DMD: variants seen among roughly 807,000 people sequenced by gnomAD.
The protein encoded by DMD is dystrophin.
DMD carries 63 observed loss-of-function variants against 330.1 expected under a neutral mutation model. That is an observed-to-expected ratio of 0.19 (90% confidence interval 0.16 to 0.24). DMD has a LOEUF of 0.24. Among genes scored for constraint, DMD ranks in the 10% least tolerant of loss-of-function variants. The pLI is 1.00. For synonymous variants in DMD, 1,223 were observed against 959.8 expected (o/e 1.27, Z -5.07); for missense variants, 3,344 against 2,684.1 (o/e 1.25, Z -5.43).
At chrX:32,783,245 TGTATATAC>T (rs1255845426) in intron 7 of DMD, among the ~76,000 whole-genome samples, 7 of 100,294 alleles carry the variant, frequency 7.0e-5, no homozygotes, top group African/African-American at 1.8e-4. Context: ...TACACATATG[TGTATATAC>T]GTATATACAC....
At chrX:33,017,661 AGAT>A (rs1343062052) in intron 2 of DMD, among the ~76,000 whole-genome samples, 1 of 111,592 alleles carries the variant, frequency 9.0e-6, no homozygotes, top group Non-Finnish European at 1.9e-5. Context: ...ATTATATAGA[AGAT>A]ATACATTCCT....
intron 41 of DMD, among the ~76,000 whole-genome samples, chrX:32,336,114 T>C (rs2097713637): frequency 9.1e-6 from 1 of 110,222 alleles, no homozygotes; most frequent in Non-Finnish European, 1.9e-5. Context: ...ACATGTTATA[T>C]ATGTTATATG....
At chrX:32,250,017 C>T (rs1479885467) in intron 43 of DMD, among the ~76,000 whole-genome samples, 1 of 111,627 alleles carries the variant, frequency 9.0e-6, no homozygotes, top group Non-Finnish European at 1.9e-5. Flanking sequence ...CGCCTTGAAC[C>T]ATTAAGTACA....
intron 1 of DMD, among the ~76,000 whole-genome samples, chrX:33,022,565 G>GTAT (rs201427992): frequency 9.1e-6 from 1 of 110,025 alleles, no homozygotes; most frequent in East Asian, 2.8e-4. Context: ...ACAATTAATT[G>GTAT]TATTATTATT....
intron 60 of DMD, among the ~76,000 whole-genome samples, chrX:31,395,672 G>T (rs780973540): frequency 2.7e-5 from 3 of 112,057 alleles, no homozygotes; most frequent in Non-Finnish European, 5.6e-5. Flanking sequence ...GTGAAATAAT[G>T]GTGGCTGCTA....
At chrX:31,444,431 G>A in intron 60 of DMD, 50 bp downstream of exon 60, 1 of 1,183,506 alleles carries the variant, frequency 8.4e-7, no homozygotes, top group Non-Finnish European at 1.1e-6. Flanking sequence ...AATTTTATCT[G>A]TATATTATTT....
chrX:32,297,760 G>C (rs905489435), intron 42 of DMD, among the ~76,000 whole-genome samples: 1 of 111,859 alleles, frequency 8.9e-6, no homozygotes, highest in Non-Finnish European at 1.9e-5. Context: ...AGAAATGAAG[G>C]ATAAAGTGGG....
intron 2 of DMD, among the ~76,000 whole-genome samples, chrX:32,874,186 G>C (rs1253553017): frequency 8.9e-6 from 1 of 112,089 alleles, no homozygotes; most frequent in Non-Finnish European, 1.9e-5. Context: ...CAAAAGAACA[G>C]ATAAGCTTTT....
intron 1 of DMD, among the ~76,000 whole-genome samples, chrX:33,174,876 C>T (rs1000641013): frequency 8.9e-6 from 1 of 111,997 alleles, no homozygotes; most frequent in East Asian, 2.8e-4. Context: ...GATCATGCAT[C>T]GAATCTTGTG....
intron 1 of DMD, among the ~76,000 whole-genome samples, chrX:33,309,461 G>T (rs1004883856): frequency 5.4e-5 from 6 of 110,525 alleles, no homozygotes; most frequent in Non-Finnish European, 7.6e-5. Flanking sequence ...AAATCTGTCT[G>T]TATTTAAACA....
intron 2 of DMD, among the ~76,000 whole-genome samples, chrX:32,916,660 A>T (rs2146523326): frequency 8.9e-6 from 1 of 111,855 alleles, no homozygotes; most frequent in East Asian, 2.8e-4. Flanking sequence ...TCTATTGAAG[A>T]TATAATTGGC....
At chrX:32,357,322 A>T (rs1001634784) in intron 37 of DMD, among the ~76,000 whole-genome samples, 1 of 111,570 alleles carries the variant, frequency 9.0e-6, no homozygotes, top group Admixed American at 9.5e-5. Flanking sequence ...TCTCCGCAGC[A>T]GCAGTTCTCT....
chrX:31,981,866 A>T (rs2095478190), intron 44 of DMD, among the ~76,000 whole-genome samples: 1 of 112,188 alleles, frequency 8.9e-6, no homozygotes, highest in Admixed American at 9.5e-5. Flanking sequence ...CTTGCGCAAT[A>T]CAGTCCTACC....
chrX:31,899,998 G>C (rs2094400813), intron 47 of DMD, among the ~76,000 whole-genome samples: 1 of 111,106 alleles, frequency 9.0e-6, no homozygotes, highest in Non-Finnish European at 1.9e-5. Context: ...GATTTACTAA[G>C]TCTAAAACTC....
chrX:33,209,144 T>C (rs899922513), intron 1 of DMD, among the ~76,000 whole-genome samples: 6 of 111,362 alleles, frequency 5.4e-5, no homozygotes, highest in African/African-American at 1.9e-4. Context: ...TTAAATAATG[T>C]AATTATGCAT....
At chrX:32,258,887 C>T (rs1478335346) in intron 43 of DMD, among the ~76,000 whole-genome samples, 1 of 111,138 alleles carries the variant, frequency 9.0e-6, no homozygotes, top group Admixed American at 9.6e-5. Flanking sequence ...CATAAAATAG[C>T]ACAACTTAAA....
At chrX:31,803,006 G>C (rs894707104) in intron 50 of DMD, among the ~76,000 whole-genome samples, 1 of 111,641 alleles carries the variant, frequency 9.0e-6, no homozygotes. Flanking sequence ...ATGGACCATG[G>C]GGACTGTATT....
chrX:32,299,675 G>T (rs777551602), intron 42 of DMD, among the ~76,000 whole-genome samples: 25 of 111,022 alleles, frequency 2.3e-4, no homozygotes, highest in Non-Finnish European at 2.1e-4. Flanking sequence ...TCTCACCTGA[G>T]CAAGTCACTT....
chrX:32,584,677 TA>T (rs1233731495), intron 13 of DMD, among the ~76,000 whole-genome samples: 1 of 112,227 alleles, frequency 8.9e-6, no homozygotes, highest in Non-Finnish European at 1.9e-5. Context: ...ACTGCATATA[TA>T]AAAGTTTCAT....
Sources: allele counts gnomAD v4.1 joint callset (sites outside exome capture counted in the v4.1 genomes callset), GRCh38; gene constraint gnomAD v4.1.1; transcripts MANE v1.5; gene names NCBI Gene and HGNC (gene_info 2026-07-23, HGNC 2026-07-21).